Variants in SHISA9 observed in about 807,000 individuals in gnomAD.
The protein encoded by SHISA9 is shisa family member 9, also known as protein shisa-9.
A neutral mutation model predicts 38.0 loss-of-function variants in SHISA9; 13 were observed. The observed-to-expected ratio is 0.34, with a 90% CI of 0.22 to 0.54. The LOEUF is 0.54. SHISA9 is among the 20% of genes least tolerant of loss of function. The probability of loss-of-function intolerance (pLI) is 0.91; values close to 1 mark genes in which losing one functional copy is unlikely to be tolerated. For missense variants in SHISA9, 538 were observed against 575.8 expected, an observed-to-expected ratio of 0.93 and a Z score of 0.67; for synonymous variants, 275 against 242.0, an observed-to-expected ratio of 1.14 and a Z score of -1.27.
chr16:13,276,512 T>C, the SHISA9 span, among the ~76,000 whole-genome samples: 1 of 152,106 alleles, frequency 6.6e-6, no homozygotes, highest in Non-Finnish European at 1.5e-5. Context: ...ATAGTGCCTA[T>C]ACTAGTTTAT....
chr16:13,258,105 AGCCATCT>A, the SHISA9 span, among the ~76,000 whole-genome samples: 1 of 152,222 alleles, frequency 6.6e-6, no homozygotes, highest in South Asian at 2.1e-4. Flanking sequence ...GACACCATTT[AGCCATCT>A]GCCATCTACT....
the SHISA9 span, among the ~76,000 whole-genome samples, chr16:13,504,228 T>C: frequency 6.6e-6 from 1 of 152,156 alleles, no homozygotes; most frequent in South Asian, 2.1e-4. Flanking sequence ...TGTATTGCAA[T>C]ACCCAAATTG....
the SHISA9 span, among the ~76,000 whole-genome samples, chr16:13,436,983 C>A: frequency 6.6e-6 from 1 of 152,190 alleles, no homozygotes; most frequent in East Asian, 1.9e-4. Context: ...AGGGGAACTG[C>A]CCTTTATAAA....
At chr16:13,176,109 TA>T (rs201743555) in intron 2 of SHISA9, among the ~76,000 whole-genome samples, 5 of 152,182 alleles carry the variant, frequency 3.3e-5, no homozygotes, top group Middle Eastern at 3.2e-3. Flanking sequence ...CGTGTTTTTT[TA>T]ATAAAAACCT....
At chr16:13,396,743 C>G in the SHISA9 span, among the ~76,000 whole-genome samples, 1 of 152,140 alleles carries the variant, frequency 6.6e-6, no homozygotes, top group African/African-American at 2.4e-5. Context: ...TCTTGTGACT[C>G]CATCCTTCTC....
the SHISA9 span, among the ~76,000 whole-genome samples, chr16:13,275,226 T>C: frequency 6.6e-6 from 1 of 152,154 alleles, no homozygotes; most frequent in Non-Finnish European, 1.5e-5. Context: ...TGGTTGTTTT[T>C]CTTTTTAGAT....
At chr16:13,009,078 AAGAG>A (rs1271480732) in intron 2 of SHISA9, among the ~76,000 whole-genome samples, 3 of 151,114 alleles carry the variant, frequency 2.0e-5, no homozygotes, top group Non-Finnish European at 4.4e-5. Flanking sequence ...GCTCTGTTCT[AAGAG>A]AGAGAGTGTG....
chr16:13,516,805 A>AG, the SHISA9 span, among the ~76,000 whole-genome samples: 1 of 151,926 alleles, frequency 6.6e-6, no homozygotes, highest in South Asian at 2.1e-4. Context: ...CCCAAAAAAA[A>AG]AAAAAATTAC....
chr16:13,325,374 T>C, the SHISA9 span, among the ~76,000 whole-genome samples: 1 of 152,204 alleles, frequency 6.6e-6, no homozygotes, highest in African/African-American at 2.4e-5. Flanking sequence ...CAGTTGTGCC[T>C]AAACTCCAAA....
the SHISA9 span, among the ~76,000 whole-genome samples, chr16:13,368,370 A>G: frequency 2.0e-5 from 3 of 152,154 alleles, no homozygotes; most frequent in Non-Finnish European, 4.4e-5. Flanking sequence ...TTCTGAAATC[A>G]GATATACACA....
At chr16:13,029,439 C>G (rs2072964707) in intron 2 of SHISA9, among the ~76,000 whole-genome samples, 1 of 152,146 alleles carries the variant, frequency 6.6e-6, no homozygotes, top group Non-Finnish European at 1.5e-5. Context: ...AACCTCGTCT[C>G]TACAAAAAAA....
the SHISA9 span, among the ~76,000 whole-genome samples, chr16:13,276,871 TTACTC>T: frequency 6.6e-6 from 1 of 152,042 alleles, no homozygotes. Context: ...TGGGTTGTGT[TTACTC>T]TACTGACTGT....
intron 2 of SHISA9, among the ~76,000 whole-genome samples, chr16:13,013,844 C>T (rs1295908393): frequency 1.3e-5 from 2 of 152,208 alleles, no homozygotes; most frequent in African/African-American, 2.4e-5. Context: ...TCTCCTGCCT[C>T]AGCCTCCTGA....
the SHISA9 span, among the ~76,000 whole-genome samples, chr16:13,457,701 G>T: frequency 2.0e-5 from 3 of 151,448 alleles, no homozygotes; most frequent in African/African-American, 7.3e-5. Context: ...TCTTTGCACT[G>T]GCTACTCAGC....
the SHISA9 span, among the ~76,000 whole-genome samples, chr16:13,328,080 C>T: frequency 2.0e-5 from 3 of 152,184 alleles, no homozygotes; most frequent in Non-Finnish European, 2.9e-5. Context: ...GGGAGAGCAA[C>T]TGCCCCTCCC....
chr16:13,352,229 G>T, the SHISA9 span, among the ~76,000 whole-genome samples: 9 of 152,166 alleles, frequency 5.9e-5, no homozygotes, highest in Non-Finnish European at 1.3e-4. Context: ...GGAGAACAGA[G>T]TGCATGGTCT....
intron 4 of SHISA9, among the ~76,000 whole-genome samples, chr16:13,220,849 G>T (rs902658244): frequency 6.6e-6 from 1 of 152,130 alleles, no homozygotes; most frequent in African/African-American, 2.4e-5. Context: ...CAGCAGGACT[G>T]CCTAAGTGAA....
At chr16:13,433,447 C>CT in the SHISA9 span, among the ~76,000 whole-genome samples, 18 of 152,306 alleles carry the variant, frequency 1.2e-4, no homozygotes, top group South Asian at 3.5e-3. Context: ...GCTATTATCT[C>CT]TATGTGCATG....
At chr16:12,977,664 G>T (rs2072182287) in intron 2 of SHISA9, among the ~76,000 whole-genome samples, 1 of 152,134 alleles carries the variant, frequency 6.6e-6, no homozygotes, top group Non-Finnish European at 1.5e-5. Context: ...CATGTCTTTT[G>T]CAGGGACATG....
Sources: gnomAD v4.1 joint callset for allele counts (sites outside exome capture counted in the v4.1 genomes callset) on GRCh38, gnomAD v4.1.1 for gene constraint, MANE v1.5 for transcripts, NCBI Gene and HGNC (gene_info 2026-07-23, HGNC 2026-07-21) for gene names.